The following PLAC1 variants were observed in gnomAD, a reference collection of about 807,000 sequenced individuals.
PLAC1 encodes placenta-specific protein 1.
For missense variants in PLAC1, 136 were observed against 163.2 expected, an observed-to-expected ratio of 0.83 and a Z score of 0.91; for synonymous variants, 68 against 62.1, an observed-to-expected ratio of 1.09 and a Z score of -0.44.
At chrX:134,619,650 CAA>C (rs374028482) in intron 1 of PLAC1, among the ~76,000 whole-genome samples, 67 of 55,442 alleles carry the variant, frequency 1.2e-3, no homozygotes, top group African/African-American at 3.6e-3. Context: ...GACTCCATCT[CAA>C]AAAAAAAAAA....
intron 2 of PLAC1, among the ~76,000 whole-genome samples, chrX:134,719,124 T>C (rs922666792): frequency 2.7e-5 from 3 of 111,860 alleles, no homozygotes; most frequent in African/African-American, 9.8e-5. Context: ...GGTTTCCTTT[T>C]GTCATGCTGA....
Position 134,762,844 on chromosome X carries a change from A to AAAAAAG in PLAC1, n.89+1389_89+1390insCTTTTT, listed in dbSNP as rs1569416103. On this transcript the variant is annotated intron_variant and non_coding_transcript_variant, in intron 1 of 2. Transcript: ENST00000466797. ...CTCAAAAAAAAAAAAAAAAAAAAAA[A>AAAAAAG]AAAAGAAAAGAAAAGAAAAGAAAAA... 3.5e-4 allele frequency among the ~76,000 whole-genome samples: 37 copies of AAAAAAG among 104,852 alleles called. 1 individual carries two copies. The highest frequency in any genetic ancestry group is 6.8e-4 in the Non-Finnish European group (35 of 51,614). 91.1% of individuals were successfully genotyped at this position (104,852 alleles called of 115,157 possible). A position where few individuals can be genotyped will look rare whatever the true frequency, so the allele number is the denominator to read the frequency against.
intron 2 of PLAC1, among the ~76,000 whole-genome samples, chrX:134,588,318 A>ATTTT: frequency 9.7e-6 from 1 of 103,359 alleles, no homozygotes; most frequent in Non-Finnish European, 2.0e-5. Context: ...TTATTTATTT[A>ATTTT]TTTATTTATT....
At chrX:134,752,445 T>G (rs2078746953) in intron 1 of PLAC1, among the ~76,000 whole-genome samples, 1 of 111,870 alleles carries the variant, frequency 8.9e-6, no homozygotes, top group African/African-American at 3.3e-5. Flanking sequence ...CTTCTCAAAA[T>G]GAATGTAGAA....
intron 1 of PLAC1, among the ~76,000 whole-genome samples, chrX:134,738,241 C>T (rs2078708385): frequency 8.9e-6 from 1 of 112,135 alleles, no homozygotes; most frequent in Non-Finnish European, 1.9e-5. Flanking sequence ...GCGATGTCTG[C>T]AAGCCCTTAG....
At chrX:134,676,088 G>C (rs2078473527) in intron 2 of PLAC1, among the ~76,000 whole-genome samples, 1 of 112,200 alleles carries the variant, frequency 8.9e-6, no homozygotes, top group Non-Finnish European at 1.9e-5. Context: ...ATGGAAAAAG[G>C]GTGAACTCGT....
intron 2 of PLAC1, among the ~76,000 whole-genome samples, chrX:134,592,125 T>C (rs1042412573): frequency 8.9e-6 from 1 of 112,420 alleles, no homozygotes; most frequent in African/African-American, 3.2e-5. Flanking sequence ...ACAGAGCAAA[T>C]GTTTTATATT....
At chrX:134,610,321 A>G (rs1336900565) in intron 1 of PLAC1, among the ~76,000 whole-genome samples, 2 of 110,836 alleles carry the variant, frequency 1.8e-5, no homozygotes, top group East Asian at 2.8e-4. Context: ...TGATGCTTTC[A>G]CTATACCTGG....
intron 2 of PLAC1, among the ~76,000 whole-genome samples, chrX:134,719,097 C>T (rs765972150): frequency 2.4e-4 from 27 of 112,002 alleles, no homozygotes; most frequent in Admixed American, 6.6e-4. Flanking sequence ...GGGAGAATGA[C>T]GGCTTAGTGT....
chrX:134,630,523 G>A (rs2078256241), intron 1 of PLAC1, among the ~76,000 whole-genome samples: 1 of 111,642 alleles, frequency 9.0e-6, no homozygotes, highest in South Asian at 3.7e-4. Context: ...CAACACATGG[G>A]TATTTTCACA....
intron 2 of PLAC1, among the ~76,000 whole-genome samples, chrX:134,711,361 C>A (rs2078627629): frequency 1.8e-5 from 2 of 112,262 alleles, no homozygotes; most frequent in Admixed American, 9.5e-5. Context: ...CAAATAAATT[C>A]TTTCAAATGT....
chrX:134,686,246 GA>G (rs2078516649), intron 2 of PLAC1, among the ~76,000 whole-genome samples: 1 of 111,254 alleles, frequency 9.0e-6, no homozygotes, highest in African/African-American at 3.3e-5. Flanking sequence ...CTAAGTGTGA[GA>G]AGAGATGCGT....
At chrX:134,656,998 T>C (rs780141235) in intron 1 of PLAC1, among the ~76,000 whole-genome samples, 2 of 112,022 alleles carry the variant, frequency 1.8e-5, no homozygotes, top group East Asian at 5.6e-4. Flanking sequence ...TCCTAGAGCC[T>C]GTTAGAGAGC....
intron 1 of PLAC1, among the ~76,000 whole-genome samples, chrX:134,755,151 GA>G (rs1400472165): frequency 9.0e-6 from 1 of 111,496 alleles, no homozygotes; most frequent in African/African-American, 3.3e-5. Context: ...AAATTAGGGA[GA>G]AAAAATAGGA....
In PLAC1 at chrX:134,590,196, A is replaced by AAAGTAAATAAAT. The variant is rs1556049703; in HGVS notation, c.-59+11854_-59+11855insATTTATTTACTT. ...GGCAACAGAGTGAGACTCCATCTCAAAAATAAATAAATAAATAAATAATAA... is the reference window on the plus strand; with the variant it reads ...GGCAACAGAGTGAGACTCCATCTCAAAAGTAAATAAATAAATAAATAAATAAATAAATAATAA... On this transcript the variant is annotated intron_variant, in intron 2 of 2. Transcript: ENST00000359237. 4.8e-5 allele frequency among the ~76,000 whole-genome samples: 5 copies of AAAGTAAATAAAT among 103,384 alleles called. No individual in the cohort carries two copies. The Admixed American group carries it at 5.3e-4, about 11-fold the overall frequency. The allele number at this position is 103,384 out of a possible 115,157, so 89.8% of individuals were successfully genotyped here.
chrX:134,760,712 C>T (rs1172432781), intron 1 of PLAC1, among the ~76,000 whole-genome samples: 1 of 111,243 alleles, frequency 9.0e-6, no homozygotes, highest in Non-Finnish European at 1.9e-5. Context: ...CAGCTCTTCC[C>T]CTCCCTAAGC....
intron 1 of PLAC1, among the ~76,000 whole-genome samples, chrX:134,747,660 T>C (rs185521905): frequency 1.5e-4 from 17 of 111,376 alleles, no homozygotes; most frequent in African/African-American, 5.2e-4. Flanking sequence ...TGTGTGGTGG[T>C]CCTGTGAGCA....
At chrX:134,664,493 C>T (rs2147807508) in intron 2 of PLAC1, among the ~76,000 whole-genome samples, 1 of 112,121 alleles carries the variant, frequency 8.9e-6, no homozygotes, top group South Asian at 3.7e-4. Context: ...TCTGAGCCTG[C>T]ACCACTTCAG....
chrX:134,668,933 C>T (rs977385805), intron 2 of PLAC1, among the ~76,000 whole-genome samples: 3 of 112,463 alleles, frequency 2.7e-5, no homozygotes, highest in African/African-American at 9.7e-5. Context: ...TGGGTGGCAA[C>T]AGAGCAGGCA....
Sources: allele counts gnomAD v4.1 joint callset (sites outside exome capture counted in the v4.1 genomes callset), GRCh38; gene constraint gnomAD v4.1.1; transcripts MANE v1.5; gene names NCBI Gene and HGNC (gene_info 2026-07-23, HGNC 2026-07-21).